Variants in NEURL1 observed in about 807,000 individuals in gnomAD.
NEURL1 encodes neuralized E3 ubiquitin protein ligase 1.
In NEURL1, 26 loss-of-function variants were observed where a neutral mutation model predicts 41.2. That is an observed-to-expected ratio of 0.63 (90% CI 0.46 to 0.87). The LOEUF is 0.87. Ranked by LOEUF, NEURL1 falls within the 40% of genes least tolerant of loss-of-function variation. The probability of loss-of-function intolerance (pLI) is 0.00; values close to 1 mark genes in which losing one functional copy is unlikely to be tolerated. For missense variants in NEURL1, 761 were observed against 871.1 expected (o/e 0.87, Z 1.59); for synonymous variants, 400 against 402.3 (o/e 0.99, Z 0.07).
In NEURL1 at chr10:103,508,081, T is replaced by TA. The variant is rs1157499821; in HGVS notation, c.85+13613dup. ...AGGGACTGGATGGATGGCCCTGTAGTAAAACAGAATGCGGAAGAGCAGCTG... is the reference window on the plus strand; with the variant it reads ...AGGGACTGGATGGATGGCCCTGTAGTAAAAACAGAATGCGGAAGAGCAGCTG... On this transcript the variant is annotated intron_variant, in intron 1 of 5. Coordinates refer to ENST00000369780, the MANE Select transcript of NEURL1 (RefSeq NM_004210.5). This position sits in a 1 kb window ranked among gnomAD's most constrained non-coding sequence, Gnocchi z 4.3. Among the ~76,000 whole-genome samples, 1 of 152,140 alleles carries TA rather than the reference T, an allele frequency of 6.6e-6. No homozygotes were observed. The highest frequency in any genetic ancestry group is 1.9e-4 in the East Asian group (1 of 5,192).
intron 4 of NEURL1, 66 bp downstream of exon 4, chr10:103,585,291 A>G: frequency 1.5e-5 from 20 of 1,333,506 alleles, no homozygotes; most frequent in Non-Finnish European, 2.0e-5. Context: ...CGGGTAGGAG[A>G]CAAAGGGCGA....
chr10:103,587,039 A>G (rs1356019913), intron 4 of NEURL1, among the ~76,000 whole-genome samples: 2 of 152,060 alleles, frequency 1.3e-5, no homozygotes, highest in East Asian at 3.9e-4. Flanking sequence ...CAACAGTGAG[A>G]TTCCATCTCA....
chr10:103,514,326 G>A (rs563175650), intron 1 of NEURL1, among the ~76,000 whole-genome samples: 2 of 152,156 alleles, frequency 1.3e-5, no homozygotes, highest in South Asian at 2.1e-4. Context: ...TCTTGACCTT[G>A]TGATCTGCCC....
chr10:103,548,739 G>C lies in NEURL1; in HGVS notation c.86-22133G>C, dbSNP rs868690032. 1.2e-4 allele frequency among the ~76,000 whole-genome samples: 19 copies of C among 152,290 alleles called. No homozygotes were observed. The Middle Eastern group carries it at 0.014, about 109-fold the overall frequency. On this transcript the variant is annotated intron_variant, in intron 1 of 5. Transcript: ENST00000369780. ...TTCCCGAGTTCTCTGACTCTCAAGC[G>C]TTGCTGTTATGGATGGAGCCAGGCA...
intron 3 of NEURL1, among the ~76,000 whole-genome samples, chr10:103,574,630 G>A (rs1212569529): frequency 6.6e-6 from 1 of 152,218 alleles, no homozygotes; most frequent in African/African-American, 2.4e-5. Context: ...GGGCCTACAA[G>A]TTCCAGGAGG....
At chr10:103,532,044 T>C (rs2034584055) in intron 1 of NEURL1, among the ~76,000 whole-genome samples, 1 of 152,226 alleles carries the variant, frequency 6.6e-6, no homozygotes, top group African/African-American at 2.4e-5. Context: ...GGAATATCTT[T>C]ATCCATCCCT....
chr10:103,520,336 A>G (rs889536236), intron 1 of NEURL1, among the ~76,000 whole-genome samples: 2 of 151,470 alleles, frequency 1.3e-5, no homozygotes, highest in Non-Finnish European at 3.0e-5. Flanking sequence ...GGGTGGGGCC[A>G]TTTTATAGGA....
intron 1 of NEURL1, chr10:103,550,939 G>C (rs1312069897): frequency 6.6e-6 from 1 of 152,234 alleles, no homozygotes; most frequent in East Asian, 1.9e-4. Flanking sequence ...CACACAGTAA[G>C]CGATCAATAA....
chr10:103,548,848 C>T lies in NEURL1; in HGVS notation c.86-22024C>T, dbSNP rs1269768489. Among the ~76,000 whole-genome samples the T allele has an allele frequency of 2.0e-5, 3 of 152,190 alleles. No individual in the cohort carries two copies. The South Asian group carries it at 6.2e-4, about 32-fold the overall frequency. ...CCACCATGGAGAAGAGATGGTGGAG[C>T]CTCAGAGAAGCTCAGTAGCTTGCCT... On this transcript the variant is annotated intron_variant, in intron 1 of 5. Transcript: ENST00000369780.
chr10:103,571,313 C>T (rs2035539244), intron 2 of NEURL1, among the ~76,000 whole-genome samples, 188 bp from the exon 3 acceptor site: 1 of 152,080 alleles, frequency 6.6e-6, no homozygotes, highest in South Asian at 2.1e-4. Flanking sequence ...AAGGAAGGAA[C>T]CGGGAGGGCG....
chr10:103,514,032 T>G (rs2034138569), intron 1 of NEURL1, among the ~76,000 whole-genome samples: 1 of 152,080 alleles, frequency 6.6e-6, no homozygotes, highest in Non-Finnish European at 1.5e-5. Context: ...GTCTTTTTAC[T>G]TTTTCTCTTT....
At chr10:103,584,347 TC>T (rs563567642) in intron 3 of NEURL1, among the ~76,000 whole-genome samples, 188 bp from the exon 4 acceptor site, 44 of 152,300 alleles carry the variant, frequency 2.9e-4, no homozygotes, top group Middle Eastern at 3.4e-3. Context: ...CCCCACCTAT[TC>T]CTCTGCTTAA....
chr10:103,523,409 T>C (rs1265341337), intron 1 of NEURL1, among the ~76,000 whole-genome samples: 7 of 151,232 alleles, frequency 4.6e-5, no homozygotes, highest in African/African-American at 1.7e-4. Context: ...TGAGAGATGA[T>C]GGCACCACTG....
chr10:103,577,103 A>G (rs1306604771), intron 3 of NEURL1, among the ~76,000 whole-genome samples: 1 of 152,228 alleles, frequency 6.6e-6, no homozygotes, highest in Non-Finnish European at 1.5e-5. Flanking sequence ...GCTGGGGGAA[A>G]CAGCTGAGGC....
chr10:103,542,113 C>T (rs1424927877), intron 1 of NEURL1, among the ~76,000 whole-genome samples: 1 of 152,182 alleles, frequency 6.6e-6, no homozygotes, highest in Non-Finnish European at 1.5e-5. Context: ...GACCATGTCA[C>T]TGAGAAGGGG....
chr10:103,591,949 G>C lies in NEURL1; in HGVS notation c.*1577G>C, dbSNP rs2036058338. On this transcript the variant is annotated 3_prime_UTR_variant, in exon 6 of 6. Coordinates refer to ENST00000369780, the MANE Select transcript of NEURL1 (RefSeq NM_004210.5). ...CCAGGTTCTCTAAGTTCTGGGGAGG[G>C]AGCGCCCCACCTGCTGAGGTCGGTC... is the stretch of plus-strand genomic sequence containing the variant. The C allele has an allele frequency of 6.6e-6, 1 of 152,320 alleles. No individual in the cohort carries two copies. Among genetic ancestry groups the C allele is most frequent in the Non-Finnish European group, 1.5e-5 (1 of 68,118 alleles). 9.4% of individuals were successfully genotyped at this position (152,320 alleles called of 1,614,324 possible).
rs7094488 is a variant in NEURL1 at position 103,566,492 on chromosome 10, A to G, written c.86-4380A>G. On this transcript the variant is annotated intron_variant, in intron 1 of 5. Coordinates refer to ENST00000369780, the MANE Select transcript of NEURL1 (RefSeq NM_004210.5). The surrounding 1 kb of genome is among the most constrained non-coding windows in gnomAD (Gnocchi z 4.2). ...GCCCTTTGCATCTGGCTTCTTTCACATAGCATACTTTTGAGAGCCATTTTT... is the reference window on the plus strand; with the variant it reads ...GCCCTTTGCATCTGGCTTCTTTCACGTAGCATACTTTTGAGAGCCATTTTT... Among the ~76,000 whole-genome samples the G allele has an allele frequency of 0.57, 87,353 of 152,000 alleles. 25,931 individuals carry two copies. Among genetic ancestry groups the G allele is most frequent in the African/African-American group, 0.71 (29,452 of 41,472 alleles).
intron 1 of NEURL1, among the ~76,000 whole-genome samples, chr10:103,498,382 G>A (rs185060603): frequency 0.036 from 5,417 of 152,116 alleles, 86 homozygotes; most frequent in Non-Finnish European, 0.044. Context: ...GCCCGCCACC[G>A]CGCCCGGCTA....
chr10:103,571,015 G>A lies in NEURL1; in HGVS notation c.229G>A (p.Asp77Asn), dbSNP rs2035530505. 4 of 1,613,896 alleles carry A rather than the reference G, an allele frequency of 2.5e-6. No homozygotes were observed. The highest frequency in any genetic ancestry group is 1.3e-5 in the African/African-American group (1 of 74,926). ...CACCAAGGGCTCCCAGATCCTCATG[G>A]ACCTCAGCCACAAGGCTGTCAAGAG... Reference protein sequence around the residue: ...PHTKGSQILMDLSHKAVKRQA... With the variant: ...PHTKGSQILMNLSHKAVKRQA... Residue 77 changes from aspartate (D) to asparagine (N), a missense_variant, in exon 2 of 6, where the codon GAC becomes AAC. Physicochemically the swap from Asp to Asn is conservative, Grantham distance 23. This residue lies in a region of NEURL1 where 65 missense variants were observed against 131.6 expected (regional missense o/e 0.49). Transcript: ENST00000369780.
Sources: allele counts gnomAD v4.1 joint callset (sites outside exome capture counted in the v4.1 genomes callset), GRCh38; gene constraint gnomAD v4.1.1; regional missense constraint gnomAD v4.1.1; non-coding constraint Gnocchi (gnomAD v3.1); transcripts MANE v1.5; gene names NCBI Gene and HGNC (gene_info 2026-07-23, HGNC 2026-07-21).